The following EPHA6 variants were observed in gnomAD, a reference collection of about 807,000 sequenced individuals.
The protein encoded by EPHA6 is ephrin type-A receptor 6.
A neutral mutation model predicts 112.0 loss-of-function variants in EPHA6; 50 were observed. The ratio of observed to expected loss-of-function variants is 0.45; its 90% CI spans 0.36 to 0.56. The LOEUF (loss-of-function observed/expected upper bound fraction) is 0.56. EPHA6 is among the 20% of genes least tolerant of loss of function. The probability of loss-of-function intolerance (pLI) is 0.00; values close to 1 mark genes in which losing one functional copy is unlikely to be tolerated. For missense variants in EPHA6, 1,280 were observed against 1,417.4 expected, an observed-to-expected ratio of 0.90 and a Z score of 1.56; for synonymous variants, 529 against 490.7, an observed-to-expected ratio of 1.08 and a Z score of -1.03.
intron 12 of EPHA6, among the ~76,000 whole-genome samples, chr3:97,595,960 CAGTGG>C: frequency 7.3e-6 from 1 of 137,794 alleles, no homozygotes; most frequent in African/African-American, 2.8e-5. Context: ...GGCTGGAGTG[CAGTGG>C]CACGATCTCG....
At chr3:97,140,012 G>A (rs368821401) in intron 3 of EPHA6, among the ~76,000 whole-genome samples, 96 of 152,150 alleles carry the variant, frequency 6.3e-4, no homozygotes, top group Non-Finnish European at 3.5e-4. Flanking sequence ...AAAAAAAAGA[G>A]AGTGTCTGGA....
At chr3:97,576,731 C>A (rs1247524943) in intron 11 of EPHA6, among the ~76,000 whole-genome samples, 2 of 151,792 alleles carry the variant, frequency 1.3e-5, no homozygotes, top group Non-Finnish European at 2.9e-5. Context: ...AGAGATGACC[C>A]GTGGAATGTT....
At chr3:96,834,969 A>G (rs16836265) in intron 1 of EPHA6, among the ~76,000 whole-genome samples, 1,917 of 152,186 alleles carry the variant, frequency 0.013, 34 homozygotes, top group African/African-American at 0.041. Context: ...AATTATTACC[A>G]TGTTTTAAGC....
intron 6 of EPHA6, among the ~76,000 whole-genome samples, chr3:97,416,194 A>G (rs1385318721): frequency 6.6e-6 from 1 of 152,056 alleles, no homozygotes; most frequent in Non-Finnish European, 1.5e-5. Context: ...AATGAGTTAA[A>G]TACCCCTATG....
intron 1 of EPHA6, among the ~76,000 whole-genome samples, chr3:96,828,050 A>T (rs1186117786): frequency 6.6e-6 from 1 of 152,040 alleles, no homozygotes; most frequent in Non-Finnish European, 1.5e-5. Flanking sequence ...TTACTTTGAA[A>T]CTTTCGCCAG....
At chr3:97,053,248 G>A (rs1327438717) in intron 3 of EPHA6, among the ~76,000 whole-genome samples, 1 of 152,028 alleles carries the variant, frequency 6.6e-6, no homozygotes, top group African/African-American at 2.4e-5. Context: ...AGGGTGAAGG[G>A]TTATAGTAAG....
chr3:96,918,440 T>A (rs962787810), intron 2 of EPHA6, among the ~76,000 whole-genome samples: 1 of 152,086 alleles, frequency 6.6e-6, no homozygotes, highest in Non-Finnish European at 1.5e-5. Flanking sequence ...ATAAAGGCAT[T>A]ACGTATTGGA....
chr3:97,528,746 C>T (rs1182987962), intron 10 of EPHA6, among the ~76,000 whole-genome samples: 1 of 152,056 alleles, frequency 6.6e-6, no homozygotes, highest in East Asian at 1.9e-4. Context: ...ATTATATAGA[C>T]TTTATATGAA....
intron 10 of EPHA6, among the ~76,000 whole-genome samples, chr3:97,489,972 C>T (rs777591700): frequency 4.7e-4 from 71 of 152,086 alleles, no homozygotes; most frequent in Non-Finnish European, 8.1e-4. Context: ...ATTTCAACAC[C>T]GTACATCTTA....
At chr3:96,975,565 G>A (rs984676721) in intron 2 of EPHA6, among the ~76,000 whole-genome samples, 4 of 152,114 alleles carry the variant, frequency 2.6e-5, no homozygotes, top group Non-Finnish European at 5.9e-5. Flanking sequence ...AAAAAGTTTT[G>A]ATGAATATAA....
At chr3:96,831,763 C>A (rs2034096210) in intron 1 of EPHA6, among the ~76,000 whole-genome samples, 1 of 151,948 alleles carries the variant, frequency 6.6e-6, no homozygotes, top group South Asian at 2.1e-4. Flanking sequence ...TTGAAGCTAG[C>A]TAACATAAAC....
chr3:96,863,255 T>G (rs2036111324), intron 1 of EPHA6, among the ~76,000 whole-genome samples: 1 of 152,002 alleles, frequency 6.6e-6, no homozygotes, highest in Non-Finnish European at 1.5e-5. Context: ...TGTAATTTTT[T>G]TTCTTCCTAC....
chr3:97,625,903 G>A (rs760087729), intron 13 of EPHA6, among the ~76,000 whole-genome samples: 5 of 151,650 alleles, frequency 3.3e-5, no homozygotes, highest in Non-Finnish European at 7.4e-5. Context: ...CATCTCCCAA[G>A]ACTGGAGTGT....
At chr3:97,372,553 A>G (rs1453208960) in intron 5 of EPHA6, among the ~76,000 whole-genome samples, 1 of 152,138 alleles carries the variant, frequency 6.6e-6, no homozygotes, top group Admixed American at 6.6e-5. Flanking sequence ...TACATTTTTT[A>G]TAGGAATATG....
chr3:97,287,377 A>G (rs927757026), intron 5 of EPHA6, among the ~76,000 whole-genome samples: 2 of 152,020 alleles, frequency 1.3e-5, no homozygotes, highest in African/African-American at 2.4e-5. Context: ...ACTCTTAACA[A>G]TGGCGTGAAC....
intron 10 of EPHA6, among the ~76,000 whole-genome samples, chr3:97,514,222 C>T (rs1423227711): frequency 1.3e-5 from 2 of 152,156 alleles, no homozygotes; most frequent in Admixed American, 1.3e-4. Flanking sequence ...CTTTTCCAGC[C>T]TCTAAAGATG....
At chr3:97,646,240 G>C (rs2094061370) in intron 14 of EPHA6, 1 of 1,535,478 alleles carries the variant, frequency 6.5e-7, no homozygotes, top group Non-Finnish European at 8.7e-7. Flanking sequence ...ATGTGGAAGA[G>C]AAACAGAAGG....
At chr3:97,648,455 G>A in intron 14 of EPHA6, 1 of 1,314,956 alleles carries the variant, frequency 7.6e-7, no homozygotes, top group Non-Finnish European at 9.7e-7. Context: ...TTAAAGTTGG[G>A]AGAGATTCTC....
At chr3:97,285,592 G>A (rs2080436860) in intron 5 of EPHA6, among the ~76,000 whole-genome samples, 1 of 151,986 alleles carries the variant, frequency 6.6e-6, no homozygotes, top group Non-Finnish European at 1.5e-5. Context: ...ATTCCATTGT[G>A]TATATATCAT....
Sources: gnomAD v4.1 joint callset for allele counts (sites outside exome capture counted in the v4.1 genomes callset) on GRCh38, gnomAD v4.1.1 for gene constraint, MANE v1.5 for transcripts, NCBI Gene and HGNC (gene_info 2026-07-23, HGNC 2026-07-21) for gene names.